The following EFHB variants were observed in gnomAD, a reference collection of about 807,000 sequenced individuals.
EFHB encodes the protein EF-hand domain family member B.
Under a neutral mutation model 87.2 loss-of-function variants are expected in EFHB, and 91 were observed. That is an observed-to-expected ratio of 1.04 (90% CI 0.88 to 1.24). The LOEUF (loss-of-function observed/expected upper bound fraction) is 1.24, where lower values mean the gene tolerates loss of function less well. Ranked by LOEUF, EFHB falls within the 50% of genes most tolerant of loss-of-function variation. The pLI is 0.00. For missense variants in EFHB, 1,084 were observed against 998.8 expected (o/e 1.09, Z -1.15); for synonymous variants, 325 against 333.6 (o/e 0.97, Z 0.28).
intron 1 of EFHB, chr3:19,940,486 T>C (rs1696131712): frequency 9.9e-6 from 5 of 504,738 alleles, no homozygotes; most frequent in Non-Finnish European, 2.0e-5. Flanking sequence ...AATCTTCTGT[T>C]TGTCTTCATC....
intron 10 of EFHB, among the ~76,000 whole-genome samples, chr3:19,885,251 T>C (rs1220576026): frequency 2.6e-5 from 4 of 151,120 alleles, no homozygotes; most frequent in Non-Finnish European, 5.9e-5. Context: ...TATTTTAATA[T>C]TTAACTTGAA....
At chr3:19,906,711 C>G (rs931816220) in intron 5 of EFHB, among the ~76,000 whole-genome samples, 1 of 138,546 alleles carries the variant, frequency 7.2e-6, no homozygotes, top group Non-Finnish European at 1.6e-5. Flanking sequence ...AAAAAAAAAT[C>G]TTAAAAATTT....
At chr3:19,919,592 T>G (rs1271138708) in intron 3 of EFHB, among the ~76,000 whole-genome samples, 1 of 152,188 alleles carries the variant, frequency 6.6e-6, no homozygotes, top group East Asian at 1.9e-4. Flanking sequence ...CTTTTATCAT[T>G]TGAGAGAACA....
chr3:19,900,467 A>C (rs943521062), intron 6 of EFHB, among the ~76,000 whole-genome samples: 4 of 152,206 alleles, frequency 2.6e-5, no homozygotes, highest in African/African-American at 9.6e-5. Context: ...AGAATATCTA[A>C]CTTTGGCAAA....
At chr3:19,918,157 A>C in intron 4 of EFHB, 75 bp downstream of exon 4, 1 of 1,320,206 alleles carries the variant, frequency 7.6e-7, no homozygotes, top group Admixed American at 2.5e-5. Context: ...TCATACAAAT[A>C]AGATATTTAA....
In EFHB at chr3:19,886,501, TG is replaced by T. The variant is rs544928998; in HGVS notation, c.1934-1887del. Among the ~76,000 whole-genome samples, 22 of 151,888 alleles carry T rather than the reference TG, an allele frequency of 1.4e-4. No homozygotes were observed. The South Asian group carries it at 4.4e-3, about 30-fold the overall frequency. On this transcript the variant is annotated intron_variant, in intron 10 of 12. Transcript: ENST00000295824. ...GCTCATGCCTGTAATCCCAGCATATTGGGAGTCTGAGGAGGGAGGATCCCTC... is the reference window on the plus strand; with the variant it reads ...GCTCATGCCTGTAATCCCAGCATATTGGAGTCTGAGGAGGGAGGATCCCTC...
At chr3:19,917,826 A>G (rs768822233) in intron 4 of EFHB, among the ~76,000 whole-genome samples, 1 of 152,208 alleles carries the variant, frequency 6.6e-6, no homozygotes, top group Non-Finnish European at 1.5e-5. Context: ...AGCATTTACC[A>G]TACTTATCTG....
upstream of EFHB, chr3:19,936,393 T>A (rs1236095255): frequency 1.8e-5 from 9 of 506,836 alleles, no homozygotes; most frequent in Admixed American, 1.1e-4. Context: ...GTGAGACCTA[T>A]CCCTACAAAA....
chr3:19,888,063 T>A (rs1390073233), intron 10 of EFHB, among the ~76,000 whole-genome samples: 1 of 152,160 alleles, frequency 6.6e-6, no homozygotes, highest in African/African-American at 2.4e-5. Context: ...AACTGCCTCT[T>A]CCTGGAAATA....
chr3:19,945,224 C>A (rs1338460988), intron 1 of EFHB, among the ~76,000 whole-genome samples: 2 of 151,932 alleles, frequency 1.3e-5, no homozygotes, highest in Non-Finnish European at 2.9e-5. Flanking sequence ...GATCAGGGAA[C>A]AAATAAAGAG....
chr3:19,893,596 A>G (rs1432860548), intron 9 of EFHB, among the ~76,000 whole-genome samples: 1 of 152,182 alleles, frequency 6.6e-6, no homozygotes, highest in Non-Finnish European at 1.5e-5. Flanking sequence ...GTTCTCTCAA[A>G]CTGTTGGTGA....
chr3:19,897,817 C>T (rs1694539447), intron 8 of EFHB, among the ~76,000 whole-genome samples: 1 of 152,196 alleles, frequency 6.6e-6, no homozygotes, highest in Non-Finnish European at 1.5e-5. Flanking sequence ...TGTGTAAAAA[C>T]AGAACCCAAA....
chr3:19,935,087 C>G (rs1328022285), upstream of EFHB, among the ~76,000 whole-genome samples: 1 of 151,922 alleles, frequency 6.6e-6, no homozygotes, highest in Non-Finnish European at 1.5e-5. Flanking sequence ...ATTTTTGTAT[C>G]TTGAGTAGAA....
At chr3:19,883,639 G>A (rs1169176181) in intron 11 of EFHB, among the ~76,000 whole-genome samples, 1 of 152,100 alleles carries the variant, frequency 6.6e-6, no homozygotes, top group Non-Finnish European at 1.5e-5. Flanking sequence ...TTGGAAATAA[G>A]GTCTTTTCAG....
chr3:19,903,390 C>T (rs928987711), intron 6 of EFHB, among the ~76,000 whole-genome samples: 48 of 151,964 alleles, frequency 3.2e-4, no homozygotes, highest in African/African-American at 1.1e-3. Context: ...ATGTGTTTAC[C>T]TCATATGTTT....
intron 9 of EFHB, among the ~76,000 whole-genome samples, chr3:19,890,248 T>C (rs1694258900): frequency 1.3e-5 from 2 of 152,134 alleles, no homozygotes; most frequent in East Asian, 1.9e-4. Context: ...AAAGCCATTC[T>C]CTCCCTCTGC....
chr3:19,888,196 G>C (rs1694173051), intron 10 of EFHB, among the ~76,000 whole-genome samples: 1 of 151,824 alleles, frequency 6.6e-6, no homozygotes, highest in Middle Eastern at 3.4e-3. Context: ...ATATAGCTGA[G>C]CTCTTAGAAA....
At chr3:19,883,642 C>A (rs114327419) in intron 11 of EFHB, among the ~76,000 whole-genome samples, 7 of 152,196 alleles carry the variant, frequency 4.6e-5, no homozygotes, top group Non-Finnish European at 1.0e-4. Context: ...GAAATAAGGT[C>A]TTTTCAGGTA....
intron 1 of EFHB, among the ~76,000 whole-genome samples, chr3:19,944,045 A>C (rs1031711977): frequency 8.5e-5 from 13 of 152,206 alleles, no homozygotes; most frequent in African/African-American, 3.1e-4. Context: ...CCAAAGACAC[A>C]AGCTTTTGAA....
Sources: allele counts gnomAD v4.1 joint callset (sites outside exome capture counted in the v4.1 genomes callset), GRCh38; gene constraint gnomAD v4.1.1; transcripts MANE v1.5; gene names NCBI Gene and HGNC (gene_info 2026-07-23, HGNC 2026-07-21).